The following UMODL1 variants were observed in gnomAD, a reference collection of about 807,000 sequenced individuals.
UMODL1 encodes uromodulin like 1, also known as uromodulin-like 1.
Under a neutral mutation model 136.3 loss-of-function variants are expected in UMODL1, and 128 were observed. The ratio of observed to expected loss-of-function variants is 0.94; its 90% confidence interval spans 0.81 to 1.09. The LOEUF is 1.09. UMODL1 is among the 50% of genes least tolerant of loss of function. The pLI is 0.00. For synonymous variants in UMODL1, 721 were observed against 720.0 expected (o/e 1.00, Z -0.02); for missense variants, 1,766 against 1,725.6 (o/e 1.02, Z -0.41).
intron 8 of UMODL1, 187 bp from the exon 9 acceptor site, chr21:42,103,681 G>A (rs1256764105): frequency 1.3e-6 from 1 of 749,156 alleles, no homozygotes; most frequent in South Asian, 1.5e-5. Flanking sequence ...GCCGTCCCAG[G>A]GAAAGCCCAG....
At chr21:42,083,119 G>T (rs1295342116) in intron 2 of UMODL1, among the ~76,000 whole-genome samples, 1 of 152,176 alleles carries the variant, frequency 6.6e-6, no homozygotes, top group African/African-American at 2.4e-5. Context: ...GAAGGGCTGG[G>T]GAGCTGTGCA....
At chr21:42,126,238 T>G in intron 17 of UMODL1, 107 bp from the exon 18 acceptor site, 1 of 1,499,704 alleles carries the variant, frequency 6.7e-7, no homozygotes. Context: ...GGGGAGAGGC[T>G]TTAGAGAAGA....
At chr21:42,071,554 A>G (rs924609256) in intron 1 of UMODL1, among the ~76,000 whole-genome samples, 162 bp downstream of exon 1, 7 of 152,170 alleles carry the variant, frequency 4.6e-5, no homozygotes, top group Non-Finnish European at 1.0e-4. Context: ...GTAAGCGCAC[A>G]TGGTAGCAGC....
chr21:42,086,826 C>T lies in UMODL1; in HGVS notation c.603+1414C>T, dbSNP rs140987514. 6.9e-3 allele frequency among the ~76,000 whole-genome samples: 1,047 copies of T among 152,264 alleles called. 11 individuals are homozygous for T. Among genetic ancestry groups the T allele is most frequent in the African/African-American group, 0.024 (993 of 41,564 alleles). On this transcript the variant is annotated intron_variant, in intron 4 of 22. Transcript: ENST00000408910. Reference sequence around the variant, plus strand: ...ACTAGAAATCCAGTAATTAGCCAGGCGTGGTGGCACGTGCCTGTAATCCCA... The same window carrying T: ...ACTAGAAATCCAGTAATTAGCCAGGTGTGGTGGCACGTGCCTGTAATCCCA...
At position 42,086,545 on chromosome 21, in the gene UMODL1, G is replaced by T. The variant is rs1246843213; in HGVS notation, c.603+1133G>T. 5 of 455,726 alleles carry T rather than the reference G, an allele frequency of 1.1e-5. No individual in the cohort carries two copies. The East Asian group carries it at 3.5e-4, about 32-fold the overall frequency. 28.2% of individuals were successfully genotyped at this position (455,726 alleles called of 1,614,324 possible). On this transcript the variant is annotated intron_variant, in intron 4 of 22. Transcript: ENST00000408910. ...TTCCTCTTAGCTTGTTAAGGGGACT[G>T]CCCAATTGGCCAGTAAGAAACTAGC...
At chr21:42,091,832 C>A (rs540445893) in intron 6 of UMODL1, among the ~76,000 whole-genome samples, 3 of 152,256 alleles carry the variant, frequency 2.0e-5, no homozygotes, top group South Asian at 2.1e-4. Context: ...GGGCTGCATA[C>A]GTGAGTCCAG....
chr21:42,105,926 C>A (rs1381919217), intron 9 of UMODL1, among the ~76,000 whole-genome samples: 2 of 152,252 alleles, frequency 1.3e-5, no homozygotes, highest in Non-Finnish European at 2.9e-5. Flanking sequence ...CAGCACCCCA[C>A]TCCCCACGCT....
chr21:42,080,514 C>G (rs62215118), intron 2 of UMODL1, among the ~76,000 whole-genome samples: 40,084 of 152,156 alleles, frequency 0.26, 6,181 homozygotes, highest in Admixed American at 0.35. Flanking sequence ...AAAAAGGGAA[C>G]GGAAGCATGG....
At chr21:42,071,850 A>T (rs564317517) in intron 1 of UMODL1, among the ~76,000 whole-genome samples, 63 of 149,168 alleles carry the variant, frequency 4.2e-4, no homozygotes, top group Admixed American at 1.1e-3. Flanking sequence ...AAGGAGACCT[A>T]GCCTGGGCAA....
At chr21:42,130,243 T>TGTGC (rs1555933393) in intron 21 of UMODL1, among the ~76,000 whole-genome samples, 95 of 147,998 alleles carry the variant, frequency 6.4e-4, no homozygotes, top group African/African-American at 2.1e-3. Context: ...TGTGTGTGTG[T>TGTGC]GTGCGTGCAC....
At chr21:42,072,841 G>A (rs1374258781) in intron 1 of UMODL1, among the ~76,000 whole-genome samples, 2 of 152,184 alleles carry the variant, frequency 1.3e-5, no homozygotes, top group East Asian at 1.9e-4. Context: ...CAAGACCCCC[G>A]GCTCCTGCTC....
chr21:42,127,921 C>G, intron 20 of UMODL1, 90 bp downstream of exon 20: 1 of 1,565,352 alleles, frequency 6.4e-7, no homozygotes, highest in Non-Finnish European at 8.8e-7. Context: ...ACCTAGGGCT[C>G]GAGTGGCTCG....
chr21:42,083,002 C>A (rs1410966703), intron 2 of UMODL1, among the ~76,000 whole-genome samples: 1 of 152,224 alleles, frequency 6.6e-6, no homozygotes, highest in Admixed American at 6.5e-5. Context: ...GCACACCTCC[C>A]ATGGGGACCC....
intron 6 of UMODL1, among the ~76,000 whole-genome samples, chr21:42,091,063 C>T (rs920858457): frequency 3.9e-5 from 6 of 152,160 alleles, no homozygotes; most frequent in South Asian, 2.1e-4. Flanking sequence ...GCTGGCTAAC[C>T]GGCACAGAAT....
At position 42,137,631 on chromosome 21, in the gene UMODL1, C is replaced by T; in HGVS notation, c.*11C>T. 3 of 1,090,270 alleles carry T rather than the reference C, an allele frequency of 2.8e-6. No homozygotes were observed. Among genetic ancestry groups the T allele is most frequent in the Non-Finnish European group, 3.7e-6 (3 of 815,530 alleles). 67.5% of individuals were successfully genotyped at this position (1,090,270 alleles called of 1,614,324 possible). A position where few individuals can be genotyped will look rare whatever the true frequency, so the allele number is the denominator to read the frequency against. On this transcript the variant is annotated 3_prime_UTR_variant, in exon 22 of 23. Transcript: ENST00000408910. ...GTGTTCTACGAATAGGAGGCGCAGG[C>T]TGACAGGAAGGTGGGTGCGGAGTGG... is the stretch of plus-strand genomic sequence containing the variant.
chr21:42,079,784 G>A (rs1170667899), intron 2 of UMODL1, among the ~76,000 whole-genome samples: 1 of 152,244 alleles, frequency 6.6e-6, no homozygotes, highest in Non-Finnish European at 1.5e-5. Flanking sequence ...CAGGAAGGCA[G>A]GCTGGGGATG....
intron 21 of UMODL1, among the ~76,000 whole-genome samples, chr21:42,130,727 G>A (rs1410047272): frequency 6.6e-6 from 1 of 152,110 alleles, no homozygotes; most frequent in Non-Finnish European, 1.5e-5. Flanking sequence ...CTTTAGGGCT[G>A]TGGGGCCCAG....
intron 9 of UMODL1, among the ~76,000 whole-genome samples, chr21:42,109,027 A>G (rs1342141312): frequency 1.5e-4 from 17 of 115,140 alleles, no homozygotes; most frequent in Admixed American, 7.7e-4. Flanking sequence ...AGCTCATGTT[A>G]TACTCCACTG....
In UMODL1 at chr21:42,094,336, G is replaced by C. The variant is rs549788083; in HGVS notation, c.931+3898G>C. ...CCGGCACCTTCCCTGCTGAACCAGA[G>C]ATGAGTCACGGCTGCCCGGGAAGAA... On this transcript the variant is annotated intron_variant, in intron 6 of 22. Transcript: ENST00000408910. 4.0e-3 allele frequency among the ~76,000 whole-genome samples: 609 copies of C among 152,340 alleles called. 3 individuals are homozygous for C. Among genetic ancestry groups the C allele is most frequent in the Non-Finnish European group, 6.4e-3 (437 of 68,030 alleles).
Sources: allele counts gnomAD v4.1 joint callset (sites outside exome capture counted in the v4.1 genomes callset), GRCh38; gene constraint gnomAD v4.1.1; transcripts MANE v1.5; gene names NCBI Gene and HGNC (gene_info 2026-07-23, HGNC 2026-07-21).